Variants in PDE1B observed in about 807,000 individuals in gnomAD.
The protein encoded by PDE1B is phosphodiesterase 1B.
Under a neutral mutation model 66.7 loss-of-function variants are expected in PDE1B, and 13 were observed. The ratio of observed to expected loss-of-function variants is 0.19; its 90% CI spans 0.13 to 0.31. The LOEUF is 0.31. PDE1B is among the 10% of genes least tolerant of loss of function. PDE1B has a pLI of 1.00. For synonymous variants in PDE1B, 230 were observed against 253.9 expected (o/e 0.91, Z 0.90); for missense variants, 485 against 682.3 (o/e 0.71, Z 3.22).
intron 2 of PDE1B, among the ~76,000 whole-genome samples, chr12:54,564,789 T>C (rs529449494): frequency 1.3e-5 from 2 of 152,156 alleles, no homozygotes; most frequent in Admixed American, 1.3e-4. Context: ...GACCACATTT[T>C]AAAAAGCACC....
intron 10 of PDE1B, chr12:54,574,076 A>G: frequency 4.2e-6 from 1 of 237,232 alleles, no homozygotes; most frequent in Non-Finnish European, 8.4e-6. Context: ...TGAAATGGTG[A>G]AAATGATACG....
At chr12:54,576,764 G>A in intron 14 of PDE1B, 63 bp downstream of exon 14, 1 of 1,528,992 alleles carries the variant, frequency 6.5e-7, no homozygotes, top group East Asian at 2.4e-5. Context: ...AGCACTAGGA[G>A]GTCCATTTTT....
Position 54,575,125 on chromosome 12 carries a change from A to C in PDE1B, c.1092A>C (p.Leu364=), listed in dbSNP as rs757041938. The change falls in exon 11 of 16, where the codon CTA becomes CTC. Residue 364 remains leucine (L), a synonymous_variant. Coordinates refer to ENST00000243052, the MANE Select transcript of PDE1B (RefSeq NM_000924.4). The surrounding 1 kb of genome is among the most constrained non-coding windows in gnomAD (Gnocchi z 4.0). ...ERIDKPKALS[L]LLHAADISHP... ...TTGACAAGCCCAAGGCCCTGTCTCT[A>C]CTGCTCCATGCTGCTGACATCAGCC... 6.2e-7 allele frequency: 1 copy of C among 1,613,752 alleles called. No homozygotes were observed. Among genetic ancestry groups the C allele is most frequent in the East Asian group, 2.2e-5 (1 of 44,850 alleles).
intron 2 of PDE1B, among the ~76,000 whole-genome samples, chr12:54,555,685 T>C (rs1957333755): frequency 6.6e-6 from 1 of 152,024 alleles, no homozygotes; most frequent in South Asian, 2.1e-4. Context: ...TCTTTTTGAG[T>C]CTTTAAAGGA....
chr12:54,569,531 ATTG>A lies in PDE1B; in HGVS notation c.411-12_411-10del. On this transcript the variant is annotated splice_polypyrimidine_tract_variant and intron_variant, in intron 4 of 15. Transcript: ENST00000243052. This position sits in a 1 kb window ranked among gnomAD's most constrained non-coding sequence, Gnocchi z 4.4. ...GACCTTCATATGTGGGCTTCTTCTC[ATTG>A]TTCTCTCTCAGGATGTTCCGGAGAA... The A allele has an allele frequency of 6.2e-7, 1 of 1,611,212 alleles. No individual in the cohort carries two copies. Among genetic ancestry groups the A allele is most frequent in the Non-Finnish European group, 8.5e-7 (1 of 1,177,538 alleles).
chr12:54,567,824 G>C (rs1957542554), intron 3 of PDE1B, among the ~76,000 whole-genome samples: 1 of 151,286 alleles, frequency 6.6e-6, no homozygotes, highest in Non-Finnish European at 1.5e-5. Context: ...CAAAGACTTA[G>C]AAAAAAGAAT....
chr12:54,554,566 G>T lies in PDE1B; in HGVS notation c.113+4581G>T, dbSNP rs181592840. Among the ~76,000 whole-genome samples the T allele has an allele frequency of 1.8e-4, 28 of 152,266 alleles. No individual in the cohort carries two copies. In the East Asian group the frequency reaches 5.4e-3, roughly 29 times the overall value. ...TGTGGTATCTCTGGGAAGGTAGAGGGTAGAAAATTCCTGCCTTAAGTTGAA... is the reference window on the plus strand; with the variant it reads ...TGTGGTATCTCTGGGAAGGTAGAGGTTAGAAAATTCCTGCCTTAAGTTGAA... On this transcript the variant is annotated intron_variant, in intron 2 of 15. Coordinates refer to ENST00000243052, the MANE Select transcript of PDE1B (RefSeq NM_000924.4).
chr12:54,556,081 C>G (rs999327256), intron 2 of PDE1B, among the ~76,000 whole-genome samples: 1 of 152,180 alleles, frequency 6.6e-6, no homozygotes, highest in African/African-American at 2.4e-5. Context: ...CTCCTAGTCC[C>G]TCTGGGGAGG....
intron 6 of PDE1B, chr12:54,572,020 C>T (rs11170974): frequency 0.019 from 2,854 of 153,744 alleles, 39 homozygotes; most frequent in Non-Finnish European, 0.026. Flanking sequence ...AGAGACAGGG[C>T]CCGGATTCAG....
At chr12:54,574,892 T>C in intron 10 of PDE1B, 1 of 412,732 alleles carries the variant, frequency 2.4e-6, no homozygotes, top group Non-Finnish European at 4.4e-6. Context: ...GGAGAATCAC[T>C]TGAACCCAGG....
At chr12:54,566,773 G>A (rs1957523305) in intron 2 of PDE1B, among the ~76,000 whole-genome samples, 1 of 152,294 alleles carries the variant, frequency 6.6e-6, no homozygotes, top group South Asian at 2.1e-4. Context: ...AACTTTGGGT[G>A]TAGATAAACT....
At chr12:54,560,415 C>T (rs897026627) in intron 2 of PDE1B, among the ~76,000 whole-genome samples, 3 of 152,178 alleles carry the variant, frequency 2.0e-5, no homozygotes, top group Non-Finnish European at 2.9e-5. Flanking sequence ...TTCCTCTTTA[C>T]CACATCACCC....
At chr12:54,564,667 C>A (rs772088833) in intron 2 of PDE1B, among the ~76,000 whole-genome samples, 9 of 152,090 alleles carry the variant, frequency 5.9e-5, no homozygotes, top group Non-Finnish European at 1.2e-4. Context: ...AAAAGCAGAT[C>A]CCTGTCCAGC....
At chr12:54,550,046 G>T in intron 2 of PDE1B, 61 bp downstream of exon 2, 1 of 1,577,100 alleles carries the variant, frequency 6.3e-7, no homozygotes, top group Non-Finnish European at 8.6e-7. Flanking sequence ...GGGAGGAGGA[G>T]GGGGGATAAC....
At chr12:54,559,802 T>C (rs1048674776) in intron 2 of PDE1B, among the ~76,000 whole-genome samples, 1 of 152,068 alleles carries the variant, frequency 6.6e-6, no homozygotes, top group Non-Finnish European at 1.5e-5. Flanking sequence ...GGAGTGAGGG[T>C]ACAAGACGAG....
intron 6 of PDE1B, 29 bp from the exon 7 acceptor site, chr12:54,572,572 A>C (rs779022150): frequency 1.2e-6 from 2 of 1,606,384 alleles, no homozygotes; most frequent in Non-Finnish European, 1.7e-6. Flanking sequence ...GATCCTTGAT[A>C]TATCTCCATT....
chr12:54,557,145 A>G (rs991275598), intron 2 of PDE1B, among the ~76,000 whole-genome samples: 3 of 152,200 alleles, frequency 2.0e-5, no homozygotes, highest in Non-Finnish European at 4.4e-5. Flanking sequence ...TCTCTCTTCC[A>G]AGCAATTGCT....
At chr12:54,550,450 T>C (rs138304646) in intron 2 of PDE1B, among the ~76,000 whole-genome samples, 6 of 152,354 alleles carry the variant, frequency 3.9e-5, no homozygotes, top group Middle Eastern at 3.4e-3. Flanking sequence ...GGAATACTTG[T>C]GCCAACCTGT....
At position 54,561,259 on chromosome 12, in the gene PDE1B, C is replaced by T. The variant is rs1186692703; in HGVS notation, c.114-5715C>T. ...TTTTCCCAAAAGAGGAGCCCCACCT[C>T]CTCAGAGCAAGGGGCTGGCCTGTGC... On this transcript the variant is annotated intron_variant, in intron 2 of 15. Coordinates refer to ENST00000243052, the MANE Select transcript of PDE1B (RefSeq NM_000924.4). Among the ~76,000 whole-genome samples, 3 of 152,202 alleles carry T rather than the reference C, an allele frequency of 2.0e-5. No homozygotes were observed. In the East Asian group the frequency reaches 5.8e-4, roughly 29 times the overall value.
Sources: allele counts gnomAD v4.1 joint callset (sites outside exome capture counted in the v4.1 genomes callset), GRCh38; gene constraint gnomAD v4.1.1; non-coding constraint Gnocchi (gnomAD v3.1); transcripts MANE v1.5; gene names NCBI Gene and HGNC (gene_info 2026-07-23, HGNC 2026-07-21).